MALAT1: variants seen among roughly 807,000 people sequenced by gnomAD.
MALAT1 encodes the protein metastasis associated lung adenocarcinoma transcript 1, also known as hepcarcin.
At chr11:65,498,974 G>A (rs773764099) in exon 3 of MALAT1, 9 of 518,932 alleles carry the variant, frequency 1.7e-5, no homozygotes, top group South Asian at 1.3e-4. Context: ...CAAAGGCGGC[G>A]GAAGGTGATC....
chr11:65,497,836 C>T (rs765265483), exon 1 of MALAT1: 15 of 514,618 alleles, frequency 2.9e-5, no homozygotes, highest in Non-Finnish European at 5.4e-5. Flanking sequence ...CGCAGAAGCC[C>T]GGCGCCGGGA....
intron 1 of MALAT1, chr11:65,498,277 C>A (rs372891887): frequency 2.1e-5 from 11 of 518,586 alleles, no homozygotes; most frequent in Non-Finnish European, 4.2e-5. Context: ...GCCTTGTGAG[C>A]ACTTTCAGGA....
chr11:65,500,689 C>T (rs1207443928), exon 3 of MALAT1: 4 of 518,940 alleles, frequency 7.7e-6, no homozygotes, highest in South Asian at 4.2e-5. Flanking sequence ...ACGGAGGAGG[C>T]GAGCAGGCGT....
At chr11:65,504,404 C>A (rs767469846) in intron 3 of MALAT1, 1 of 518,570 alleles carries the variant, frequency 1.9e-6, no homozygotes, top group Non-Finnish European at 3.8e-6. Flanking sequence ...GTTCTGATCC[C>A]GCTGCTATTA....
intron 3 of MALAT1, chr11:65,503,956 A>G (rs1565055369): frequency 1.9e-6 from 1 of 515,326 alleles, no homozygotes; most frequent in Admixed American, 2.0e-5. Context: ...TATTTCCAGA[A>G]AGTCAGGGGT....
chr11:65,498,069 C>G (rs748369719), intron 1 of MALAT1: 2 of 518,972 alleles, frequency 3.9e-6, no homozygotes, highest in Non-Finnish European at 7.7e-6. Flanking sequence ...TTCAGAAGGT[C>G]TGAAGCTCAT....
exon 3 of MALAT1, chr11:65,499,884 CAA>C (rs878953128): frequency 2.1e-5 from 9 of 429,232 alleles, no homozygotes; most frequent in East Asian, 7.2e-5. Flanking sequence ...AAAATATTGT[CAA>C]GAGTTTCAGA....
rs772054780 is a variant in MALAT1, at chr11:65,499,095, C to G, written n.358C>G. 6 of 518,236 alleles carry G rather than the reference C, an allele frequency of 1.2e-5. No homozygotes were observed. In the East Asian group the frequency reaches 2.7e-4, roughly 24 times the overall value. 32.1% of individuals were successfully genotyped at this position (518,236 alleles called of 1,614,324 possible). A position where few individuals can be genotyped will look rare whatever the true frequency, so the allele number is the denominator to read the frequency against. Reference sequence around the variant, plus strand: ...GCTTCTGCTGAGGGGGCAGGCGGAGCTTGAGGAAACCGCAGATAAGTTTTT... The same window carrying G: ...GCTTCTGCTGAGGGGGCAGGCGGAGGTTGAGGAAACCGCAGATAAGTTTTT... On this transcript the variant is annotated non_coding_transcript_exon_variant, in exon 3 of 4. Transcript: ENST00000619449.
At chr11:65,503,127 C>A (rs551783887) in exon 3 of MALAT1, 1 of 508,138 alleles carries the variant, frequency 2.0e-6, no homozygotes, top group Non-Finnish European at 3.9e-6. Context: ...ACAGGTATCT[C>A]TTCGTTATCA....
At chr11:65,500,263 A>G (rs1267853026) in exon 3 of MALAT1, 1 of 518,692 alleles carries the variant, frequency 1.9e-6, no homozygotes, top group Non-Finnish European at 3.9e-6. Flanking sequence ...GCTTAGTTTG[A>G]AAAATGTGAA....
exon 3 of MALAT1, chr11:65,499,106 C>G (rs371155719): frequency 1.9e-6 from 1 of 518,082 alleles, no homozygotes; most frequent in South Asian, 1.4e-5. Context: ...TTGAGGAAAC[C>G]GCAGATAAGT....
chr11:65,499,063 C>T (rs373733194), exon 3 of MALAT1: 10 of 517,936 alleles, frequency 1.9e-5, no homozygotes, highest in Middle Eastern at 3.2e-4. Flanking sequence ...AGGCAGCCAG[C>T]GCAGGGGCTT....
exon 3 of MALAT1, chr11:65,502,475 C>T (rs968549874): frequency 4.0e-6 from 2 of 495,970 alleles, no homozygotes; most frequent in African/African-American, 2.0e-5. Flanking sequence ...AACTGCAAAA[C>T]AAGATGTTAA....
chr11:65,505,620 G>A (rs1854667960), intron 3 of MALAT1: 1 of 518,926 alleles, frequency 1.9e-6, no homozygotes. Flanking sequence ...GATGCAGCCA[G>A]TAGCTTGGAT....
chr11:65,505,064 A>C (rs376239543), intron 3 of MALAT1: 3 of 518,910 alleles, frequency 5.8e-6, no homozygotes, highest in African/African-American at 5.8e-5. Flanking sequence ...CAGATCAGTT[A>C]TGGGACAATA....
chr11:65,500,080 T>G (rs1356779220), exon 3 of MALAT1: 5 of 456,112 alleles, frequency 1.1e-5, no homozygotes, highest in African/African-American at 1.0e-4. Context: ...CTTGAGAAGA[T>G]GAGGGTGTTT....
intron 3 of MALAT1, chr11:65,504,081 T>A (rs758354289): frequency 1.9e-6 from 1 of 518,054 alleles, no homozygotes; most frequent in East Asian, 5.4e-5. Context: ...ATTGACCTTA[T>A]ATAGGGAAGG....
At chr11:65,501,846 G>A (rs1477005895) in exon 3 of MALAT1, 1 of 517,536 alleles carries the variant, frequency 1.9e-6, no homozygotes, top group Non-Finnish European at 3.9e-6. Flanking sequence ...TTAAAGGGGA[G>A]GGGCAAATAT....
exon 3 of MALAT1, chr11:65,502,117 G>A (rs765417148): frequency 3.9e-6 from 2 of 515,902 alleles, no homozygotes; most frequent in Non-Finnish European, 7.7e-6. Context: ...CAAGGAAAGT[G>A]TCATAATTTG....
Sources: allele counts gnomAD v4.1 joint callset, GRCh38; gene constraint gnomAD v4.1.1; transcripts MANE v1.5; gene names NCBI Gene and HGNC (gene_info 2026-07-23, HGNC 2026-07-21).